The following INPP5A variants were observed in gnomAD, a reference collection of about 807,000 sequenced individuals.
INPP5A encodes 43 kDa inositol polyphosphate 5-phophatase.
In INPP5A, 14 loss-of-function variants were observed where a neutral mutation model predicts 65.2. That is an observed-to-expected ratio of 0.21 (90% CI 0.14 to 0.34). INPP5A has a LOEUF of 0.34. Among genes scored for constraint, INPP5A ranks in the 10% least tolerant of loss-of-function variants. The pLI, the probability that INPP5A is intolerant of heterozygous loss-of-function variation, is 1.00. For synonymous variants in INPP5A, 207 were observed against 208.3 expected (o/e 0.99, Z 0.05); for missense variants, 431 against 545.6 (o/e 0.79, Z 2.09).
chr10:132,745,791 G>A (rs1375138638), intron 9 of INPP5A, among the ~76,000 whole-genome samples: 2 of 150,164 alleles, frequency 1.3e-5, no homozygotes, highest in East Asian at 2.0e-4. Flanking sequence ...GTGGGCTTCT[G>A]GCGTGGTGGC....
rs546152283 is a variant in INPP5A at position 132,688,693 on chromosome 10, ATG to A, written c.307-1692_307-1691del. On this transcript the variant is annotated intron_variant, in intron 4 of 15. Coordinates refer to ENST00000368594, the MANE Select transcript of INPP5A (RefSeq NM_005539.5). ...CAAGTGTGTGCGTGTGCATGAGTGC[ATG>A]TGTGTGCAAGTGTGAACAAGTGCAT... Among the ~76,000 whole-genome samples the A allele has an allele frequency of 8.9e-3, 1,337 of 150,416 alleles. 22 individuals are homozygous for A. Among genetic ancestry groups the A allele is most frequent in the African/African-American group, 0.029 (1,177 of 40,734 alleles).
chr10:132,752,594 GA>G, intron 11 of INPP5A, among the ~76,000 whole-genome samples: 1 of 132,134 alleles, frequency 7.6e-6, no homozygotes, highest in African/African-American at 2.8e-5. Context: ...GTGTGGCATG[GA>G]GGGGTGTGGC....
intron 12 of INPP5A, among the ~76,000 whole-genome samples, chr10:132,766,341 T>C (rs1846844821): frequency 6.6e-6 from 1 of 152,262 alleles, no homozygotes; most frequent in Non-Finnish European, 1.5e-5. Context: ...AATACTTTCT[T>C]ATCAGACTTG....
At chr10:132,775,253 A>G (rs11599271) in intron 12 of INPP5A, among the ~76,000 whole-genome samples, 43,461 of 139,932 alleles carry the variant, frequency 0.31, 8,452 homozygotes, top group Non-Finnish European at 0.41. Context: ...TGCAGAGGCT[A>G]GCACAGGAGT....
At chr10:132,577,177 G>T (rs1216316641) in intron 1 of INPP5A, among the ~76,000 whole-genome samples, 1 of 152,234 alleles carries the variant, frequency 6.6e-6, no homozygotes, top group African/African-American at 2.4e-5. Context: ...AGAGAAGCTG[G>T]AAGGCAAAGA....
intron 4 of INPP5A, among the ~76,000 whole-genome samples, chr10:132,683,809 G>A (rs1590923408): frequency 6.6e-6 from 1 of 152,198 alleles, no homozygotes; most frequent in Non-Finnish European, 1.5e-5. Context: ...CTGCCTCCCA[G>A]GTTCAAGTGA....
In INPP5A at chr10:132,706,210, T is replaced by G. The variant is rs576858447; in HGVS notation, c.475-2103T>G. Among the ~76,000 whole-genome samples, 122 of 152,298 alleles carry G rather than the reference T, an allele frequency of 8.0e-4. No individual in the cohort carries two copies. The highest frequency in any genetic ancestry group is 2.4e-3 in the African/African-American group (100 of 41,552). On this transcript the variant is annotated intron_variant, in intron 6 of 15. Transcript: ENST00000368594. The surrounding 1 kb of genome is among the most constrained non-coding windows in gnomAD (Gnocchi z 4.7). Reference sequence around the variant, plus strand: ...AGTCAAGACGGACAAAGATTTGTGTTTGTTTGGTTGTTTGTATGTTTTTTA... The same window carrying G: ...AGTCAAGACGGACAAAGATTTGTGTGTGTTTGGTTGTTTGTATGTTTTTTA...
At position 132,751,607 on chromosome 10, in the gene INPP5A, GGTGGAGGCAGGTGCCCAGGAGGTGTCTTC is replaced by G. The variant is rs1229515035; in HGVS notation, c.903+1800_903+1828del. ...AGAGCCTGGGGAGCACAGATGTCTG[GGTGGAGGCAGGTGCCCAGGAGGTGTCTTC>G]GTGGAGGCAGGTGCCCAGGAGGTGT... On this transcript the variant is annotated intron_variant, in intron 11 of 15. Coordinates refer to ENST00000368594, the MANE Select transcript of INPP5A (RefSeq NM_005539.5). Among the ~76,000 whole-genome samples the G allele has an allele frequency of 6.7e-3, 1,018 of 152,200 alleles. 7 individuals carry two copies. The highest frequency in any genetic ancestry group is 0.023 in the African/African-American group (972 of 41,442).
At chr10:132,544,010 C>T (rs1054990368) in intron 1 of INPP5A, among the ~76,000 whole-genome samples, 3 of 152,220 alleles carry the variant, frequency 2.0e-5, no homozygotes, top group African/African-American at 2.4e-5. Context: ...TGCTGGGTGA[C>T]GTGGTGAGTT....
chr10:132,746,380 G>A (rs1181140560), intron 9 of INPP5A, among the ~76,000 whole-genome samples: 3 of 152,376 alleles, frequency 2.0e-5, no homozygotes, highest in East Asian at 1.9e-4. Flanking sequence ...TTGAGGGGGT[G>A]ATGGGACAGA....
rs913605208 is a variant in INPP5A, at chr10:132,663,217, C to T, written c.306+12712C>T. Among the ~76,000 whole-genome samples the T allele has an allele frequency of 6.6e-6, 1 of 152,182 alleles. No individual in the cohort carries two copies. The highest frequency in any genetic ancestry group is 6.5e-5 in the Admixed American group (1 of 15,280). ...TATATAAAATTGAAAAGACTTTCTT[C>T]TCGTTAAATCTTATTTTATTTTGAC... On this transcript the variant is annotated intron_variant, in intron 4 of 15. Transcript: ENST00000368594. The surrounding 1 kb of genome is among the most constrained non-coding windows in gnomAD (Gnocchi z 4.5).
chr10:132,755,374 G>T (rs1846579741), intron 11 of INPP5A, among the ~76,000 whole-genome samples: 1 of 151,450 alleles, frequency 6.6e-6, no homozygotes, highest in African/African-American at 2.4e-5. Flanking sequence ...ATATGAGTGG[G>T]AGTGTGCGTG....
intron 4 of INPP5A, among the ~76,000 whole-genome samples, chr10:132,661,490 C>T (rs2072736851): frequency 6.6e-6 from 1 of 152,020 alleles, no homozygotes; most frequent in Non-Finnish European, 1.5e-5. Context: ...TGTGTAAGAC[C>T]TGTATACTGA....
chr10:132,590,645 T>G (rs1185691591), intron 1 of INPP5A, among the ~76,000 whole-genome samples: 2 of 152,232 alleles, frequency 1.3e-5, no homozygotes, highest in Non-Finnish European at 2.9e-5. Context: ...CGCACCCCGT[T>G]GCTTCCAGAC....
rs536324272 is a variant in INPP5A, at chr10:132,619,554, C to T, written c.117+11598C>T. On this transcript the variant is annotated intron_variant, in intron 2 of 15. Coordinates refer to ENST00000368594, the MANE Select transcript of INPP5A (RefSeq NM_005539.5). Reference sequence around the variant, plus strand: ...TGGTGGCCCCCTGCTCACAGATCCACTATGCAGTGCACTGCTGGGGACTCT... The same window carrying T: ...TGGTGGCCCCCTGCTCACAGATCCATTATGCAGTGCACTGCTGGGGACTCT... Among the ~76,000 whole-genome samples the T allele has an allele frequency of 2.0e-5, 3 of 152,284 alleles. No homozygotes were observed. The South Asian group carries it at 6.2e-4, about 32-fold the overall frequency.
intron 12 of INPP5A, among the ~76,000 whole-genome samples, chr10:132,766,732 G>T (rs1420670466): frequency 6.6e-6 from 1 of 152,256 alleles, no homozygotes. Context: ...GTGGATGTTT[G>T]TGTGCATTTT....
At chr10:132,664,595 G>A (rs781101064) in intron 4 of INPP5A, among the ~76,000 whole-genome samples, 1 of 152,208 alleles carries the variant, frequency 6.6e-6, no homozygotes, top group Non-Finnish European at 1.5e-5. Flanking sequence ...GTGGCACACC[G>A]CTGTGTGGGG....
intron 12 of INPP5A, among the ~76,000 whole-genome samples, 196 bp downstream of exon 12, chr10:132,766,042 G>A (rs185191469): frequency 1.4e-4 from 22 of 152,306 alleles, no homozygotes; most frequent in South Asian, 1.2e-3. Context: ...GCACAGGTGC[G>A]TCTGTGTGTG....
intron 4 of INPP5A, among the ~76,000 whole-genome samples, chr10:132,662,803 C>T (rs890082812): frequency 6.6e-6 from 1 of 152,212 alleles, no homozygotes; most frequent in African/African-American, 2.4e-5. Flanking sequence ...AAACACAATC[C>T]AGAGCCAAGT....
Sources: allele counts gnomAD v4.1 joint callset (sites outside exome capture counted in the v4.1 genomes callset), GRCh38; gene constraint gnomAD v4.1.1; non-coding constraint Gnocchi (gnomAD v3.1); transcripts MANE v1.5; gene names NCBI Gene and HGNC (gene_info 2026-07-23, HGNC 2026-07-21).